The following NCF2 variants were observed in gnomAD, a reference collection of about 807,000 sequenced individuals.
The protein encoded by NCF2 is neutrophil cytosol factor 2.
Under a neutral mutation model 70.9 loss-of-function variants are expected in NCF2, and 45 were observed. That is an observed-to-expected ratio of 0.63 (90% CI 0.50 to 0.81). The LOEUF (loss-of-function observed/expected upper bound fraction) is 0.81. Among genes scored for constraint, NCF2 ranks in the 40% least tolerant of loss-of-function variants. NCF2 has a pLI of 0.00. For synonymous variants in NCF2, 203 were observed against 233.6 expected, an observed-to-expected ratio of 0.87 and a Z score of 1.19; for missense variants, 522 against 631.6, an observed-to-expected ratio of 0.83 and a Z score of 1.86.
chr1:183,584,875 CAAACATT>C (rs985985091), intron 2 of NCF2, among the ~76,000 whole-genome samples: 2 of 151,942 alleles, frequency 1.3e-5, no homozygotes, highest in African/African-American at 4.8e-5. Flanking sequence ...TGCATACCCA[CAAACATT>C]AAAATAAAAA....
upstream of NCF2, chr1:183,590,529 C>T (rs923640940): frequency 1.0e-5 from 7 of 669,344 alleles, no homozygotes; most frequent in African/African-American, 1.1e-4. Flanking sequence ...CACCTTTTGG[C>T]AACTGACTCA....
chr1:183,598,948 A>G, the NCF2 span, among the ~76,000 whole-genome samples: 1 of 152,252 alleles, frequency 6.6e-6, no homozygotes, highest in Non-Finnish European at 1.5e-5. Context: ...TGTGAATTCT[A>G]GAAGTGGTAT....
the NCF2 span, among the ~76,000 whole-genome samples, chr1:183,600,561 G>C: frequency 6.6e-6 from 1 of 151,982 alleles, no homozygotes; most frequent in Non-Finnish European, 1.5e-5. Flanking sequence ...CATTTCCCCA[G>C]AACTCTTGGC....
At chr1:183,557,402 C>G (rs1671838800) in intron 14 of NCF2, among the ~76,000 whole-genome samples, 1 of 152,092 alleles carries the variant, frequency 6.6e-6, no homozygotes, top group African/African-American at 2.4e-5. Context: ...ATTCTTCTTA[C>G]AGGGTAGGTC....
chr1:183,599,450 C>CTTTCTTTT, the NCF2 span, among the ~76,000 whole-genome samples: 1 of 91,334 alleles, frequency 1.1e-5, no homozygotes, highest in African/African-American at 3.5e-5. Flanking sequence ...TTCTTTCTTT[C>CTTTCTTTT]TTTCTTTCTT....
intron 6 of NCF2, among the ~76,000 whole-genome samples, chr1:183,569,999 A>T (rs1672475389): frequency 6.6e-6 from 1 of 152,194 alleles, no homozygotes; most frequent in Non-Finnish European, 1.5e-5. Context: ...CATTCCCCTC[A>T]TGGCCTCTGG....
chr1:183,587,069 G>A, intron 1 of NCF2, 92 bp from the exon 2 acceptor site: 2 of 1,243,464 alleles, frequency 1.6e-6, no homozygotes, highest in Non-Finnish European at 2.4e-6. Flanking sequence ...GCTCCCTGTG[G>A]TGCCCAGCTC....
At position 183,555,947 on chromosome 1, in the gene NCF2, A is replaced by G. The variant is rs1306605891; in HGVS notation, c.*171T>C. On this transcript the variant is annotated 3_prime_UTR_variant, in exon 15 of 15. Transcript: ENST00000367535. ...CTCCTCACCCACTGTGCCCCAGGAA[A>G]TCATCCTGGGTACTCACATCATTGT... 3 of 666,878 alleles carry G rather than the reference A, an allele frequency of 4.5e-6. No individual in the cohort carries two copies. The highest frequency in any genetic ancestry group is 8.0e-6 in the Non-Finnish European group (3 of 373,172). 41.3% of individuals were successfully genotyped at this position (666,878 alleles called of 1,614,324 possible). A position where few individuals can be genotyped will look rare whatever the true frequency, so the allele number is the denominator to read the frequency against.
In NCF2 at chr1:183,574,503, G is replaced by T; in HGVS notation, c.485C>A (p.Ala162Glu). Residue 162 changes from alanine to glutamate, a missense_variant, in exon 4 of 15, where the codon GCG (alanine) becomes GAG (glutamate). Physicochemically the swap from Ala to Glu is moderately radical, Grantham distance 107. Coordinates refer to ENST00000367535, the MANE Select transcript of NCF2 (RefSeq NM_000433.4). Reference sequence around the variant, plus strand: ...TACGCTTACCCAGACACACTCCATCGCCTTGTCGATTTTGGAATGTCTGGG... The same window carrying T: ...TACGCTTACCCAGACACACTCCATCTCCTTGTCGATTTTGGAATGTCTGGG... Reference protein sequence around the residue: ...SEPRHSKIDKAMECVWKQKLY... With the variant: ...SEPRHSKIDKEMECVWKQKLY... 6.2e-7 allele frequency: 1 copy of T among 1,614,140 alleles called. No homozygotes were observed. The highest frequency in any genetic ancestry group is 8.5e-7 in the Non-Finnish European group (1 of 1,180,028).
At chr1:183,562,402 T>C (rs1473598531) in intron 13 of NCF2, among the ~76,000 whole-genome samples, 6 of 152,062 alleles carry the variant, frequency 3.9e-5, no homozygotes, top group Non-Finnish European at 5.9e-5. Context: ...CACTCACTCT[T>C]ACCCCCAGGA....
chr1:183,564,182 T>C, intron 10 of NCF2, 152 bp from the exon 11 acceptor site: 1 of 807,752 alleles, frequency 1.2e-6, no homozygotes, highest in Non-Finnish European at 2.1e-6. Flanking sequence ...TAGTAAACTG[T>C]GGGGAAAATC....
In NCF2 at chr1:183,566,848, T is replaced by G. The variant is rs1192787567; in HGVS notation, c.924+72A>C. 4 of 1,588,182 alleles carry G rather than the reference T, an allele frequency of 2.5e-6. No homozygotes were observed. The Admixed American group carries it at 6.7e-5, about 27-fold the overall frequency. On this transcript the variant is annotated intron_variant, in intron 9 of 14. Transcript: ENST00000367535. ...GGTCCTGACAACACCTCTTTTACAC[T>G]GCTTTTCTCCCCTCCAGGGAGAGAT...
chr1:183,584,802 C>T (rs1475675191), intron 2 of NCF2, among the ~76,000 whole-genome samples: 1 of 152,046 alleles, frequency 6.6e-6, no homozygotes, highest in African/African-American at 2.4e-5. Context: ...GGCAAGACGT[C>T]GGTCAAGATA....
At chr1:183,564,150 T>C (rs942453133) in intron 10 of NCF2, 120 bp from the exon 11 acceptor site, 37 of 983,270 alleles carry the variant, frequency 3.8e-5, no homozygotes, top group Non-Finnish European at 3.3e-6. Flanking sequence ...TACCCTTTAA[T>C]TTGTGGGGCA....
the NCF2 span, among the ~76,000 whole-genome samples, chr1:183,598,582 T>TA: frequency 0.011 from 1,544 of 140,314 alleles, 11 homozygotes; most frequent in African/African-American, 0.029. Context: ...TGAGGCTGCA[T>TA]AAAAAAAAAA....
upstream of NCF2, among the ~76,000 whole-genome samples, chr1:183,592,562 A>G (rs12096702): frequency 0.1 from 15,162 of 152,262 alleles, 849 homozygotes; most frequent in Admixed American, 0.16. Context: ...ATGAAGGGAT[A>G]CATTCTAAAA....
At chr1:183,599,488 T>TTTCTC in the NCF2 span, among the ~76,000 whole-genome samples, 1 of 149,148 alleles carries the variant, frequency 6.7e-6, no homozygotes, top group Non-Finnish European at 1.5e-5. Context: ...CTTTCTCTTT[T>TTTCTC]CTTTCTTTCT....
At chr1:183,572,299 C>T (rs1672602683) in intron 5 of NCF2, among the ~76,000 whole-genome samples, 1 of 152,236 alleles carries the variant, frequency 6.6e-6, no homozygotes, top group African/African-American at 2.4e-5. Context: ...ATTCTCCTGC[C>T]TCAGCCTCCC....
At chr1:183,581,761 C>CG (rs555766151) in intron 2 of NCF2, among the ~76,000 whole-genome samples, 126 of 152,042 alleles carry the variant, frequency 8.3e-4, no homozygotes, top group South Asian at 5.0e-3. Flanking sequence ...CTCCGCCTCC[C>CG]GGTTCACGCC....
Sources: gnomAD v4.1 joint callset for allele counts (sites outside exome capture counted in the v4.1 genomes callset) on GRCh38, gnomAD v4.1.1 for gene constraint, MANE v1.5 for transcripts, NCBI Gene and HGNC (gene_info 2026-07-23, HGNC 2026-07-21) for gene names.